The following ADAMTS17 variants were observed in gnomAD, a reference collection of about 807,000 sequenced individuals.
The protein encoded by ADAMTS17 is A disintegrin and metalloproteinase with thrombospondin motifs 17.
ADAMTS17 carries 113 observed loss-of-function variants against 141.5 expected under a neutral mutation model. The ratio of observed to expected loss-of-function variants is 0.80; its 90% CI spans 0.69 to 0.93. ADAMTS17 has a LOEUF of 0.93. ADAMTS17 is among the 40% of genes least tolerant of loss of function. The pLI is 0.00. For synonymous variants in ADAMTS17, 768 were observed against 630.6 expected, an observed-to-expected ratio of 1.22 and a Z score of -3.27; for missense variants, 1,659 against 1,517.9, an observed-to-expected ratio of 1.09 and a Z score of -1.54.
At chr15:100,275,083 C>T (rs921306578) in intron 4 of ADAMTS17, among the ~76,000 whole-genome samples, 1 of 152,126 alleles carries the variant, frequency 6.6e-6, no homozygotes, top group African/African-American at 2.4e-5. Flanking sequence ...ACAGGGTGGG[C>T]CTCATCAGAG....
chr15:100,262,478 A>T, intron 4 of ADAMTS17, 43 bp from the exon 5 acceptor site: 1 of 1,533,430 alleles, frequency 6.5e-7, no homozygotes, highest in Admixed American at 1.7e-5. Context: ...AAGATAAAAA[A>T]TTTTAAAAAT....
chr15:100,196,030 T>C (rs954208720), intron 8 of ADAMTS17, among the ~76,000 whole-genome samples: 1 of 152,204 alleles, frequency 6.6e-6, no homozygotes, highest in Admixed American at 6.5e-5. Flanking sequence ...TCTCACACAG[T>C]ACCCTGCACA....
chr15:100,292,316 G>A (rs1008891226), intron 3 of ADAMTS17, among the ~76,000 whole-genome samples: 1 of 151,650 alleles, frequency 6.6e-6, no homozygotes, highest in African/African-American at 2.4e-5. Context: ...GAAACTACGA[G>A]AGACACTCAG....
chr15:100,313,261 C>T (rs1390112272), intron 3 of ADAMTS17, among the ~76,000 whole-genome samples: 4 of 152,142 alleles, frequency 2.6e-5, no homozygotes, highest in Non-Finnish European at 5.9e-5. Flanking sequence ...AATATGGATG[C>T]AAAGAGCCTA....
intron 3 of ADAMTS17, among the ~76,000 whole-genome samples, chr15:100,304,214 G>A (rs2045142420): frequency 6.6e-6 from 1 of 152,152 alleles, no homozygotes; most frequent in South Asian, 2.1e-4. Context: ...CAACTTGTCT[G>A]AGTGTCACAT....
intron 8 of ADAMTS17, among the ~76,000 whole-genome samples, chr15:100,182,599 T>TC (rs2040564128): frequency 6.6e-6 from 1 of 152,344 alleles, no homozygotes; most frequent in East Asian, 1.9e-4. Flanking sequence ...CTTCAATGCC[T>TC]CCTTCAGTGA....
At chr15:100,205,558 T>C (rs999224595) in intron 7 of ADAMTS17, among the ~76,000 whole-genome samples, 3 of 152,162 alleles carry the variant, frequency 2.0e-5, no homozygotes, top group African/African-American at 7.2e-5. Context: ...CAAATCACAG[T>C]GTGCCTCTCT....
intron 15 of ADAMTS17, among the ~76,000 whole-genome samples, chr15:100,076,753 C>T (rs946796887): frequency 4.6e-5 from 7 of 152,250 alleles, no homozygotes; most frequent in African/African-American, 1.7e-4. Flanking sequence ...CTTGAGTATA[C>T]TTTCTCACTG....
intron 15 of ADAMTS17, among the ~76,000 whole-genome samples, chr15:100,078,917 A>G (rs1205946603): frequency 1.3e-5 from 2 of 152,226 alleles, no homozygotes; most frequent in East Asian, 3.8e-4. Flanking sequence ...TTTAACAGGC[A>G]CTTCCGCAAA....
intron 8 of ADAMTS17, among the ~76,000 whole-genome samples, chr15:100,163,716 C>G (rs1364708652): frequency 6.6e-6 from 1 of 152,170 alleles, no homozygotes; most frequent in Non-Finnish European, 1.5e-5. Flanking sequence ...GGCAGGAAAT[C>G]TGGGTATGAA....
At chr15:100,174,889 C>CA (rs1176614346) in intron 8 of ADAMTS17, among the ~76,000 whole-genome samples, 4 of 152,182 alleles carry the variant, frequency 2.6e-5, no homozygotes, top group Non-Finnish European at 5.9e-5. Flanking sequence ...GCTCTTTCCA[C>CA]AAAATCTCAT....
At chr15:100,253,792 T>C (rs1285391192) in intron 7 of ADAMTS17, among the ~76,000 whole-genome samples, 1 of 152,090 alleles carries the variant, frequency 6.6e-6, no homozygotes, top group Admixed American at 6.5e-5. Context: ...TGACCACAAC[T>C]GTGTAACTTA....
chr15:100,317,935 C>T (rs938413922), intron 3 of ADAMTS17, among the ~76,000 whole-genome samples: 1 of 152,166 alleles, frequency 6.6e-6, no homozygotes, highest in Non-Finnish European at 1.5e-5. Context: ...CGGCCAAGAG[C>T]AGAGCATAGG....
At chr15:100,247,579 G>A (rs928628403) in intron 7 of ADAMTS17, among the ~76,000 whole-genome samples, 8 of 152,182 alleles carry the variant, frequency 5.3e-5, no homozygotes, top group Non-Finnish European at 1.2e-4. Context: ...TGGAAGGGAC[G>A]AAGCACAGTC....
At chr15:100,163,065 T>C (rs2039803121) in intron 8 of ADAMTS17, among the ~76,000 whole-genome samples, 2 of 149,450 alleles carry the variant, frequency 1.3e-5, no homozygotes, top group East Asian at 3.9e-4. Context: ...TGTATATATA[T>C]GTGTATACAT....
rs907400919 is a variant in ADAMTS17 at position 100,281,545 on chromosome 15, C to T, written c.617-144G>A. 1.4e-5 allele frequency: 16 copies of T among 1,106,966 alleles called. No individual in the cohort carries two copies. The East Asian group carries it at 2.3e-4, about 16-fold the overall frequency. The allele number at this position is 1,106,966 out of a possible 1,614,324, so 68.6% of individuals were successfully genotyped here. The stretch of plus-strand genomic sequence containing the variant: ...GGGCCCAGCACCCAGCAATCTCCAC[C>T]GTCATGTGGGTGCCCCGAGTTCACT... On this transcript the variant is annotated intron_variant, in intron 3 of 21. Coordinates refer to ENST00000268070, the MANE Select transcript of ADAMTS17 (RefSeq NM_139057.4).
chr15:100,085,269 G>T (rs2035022328), intron 15 of ADAMTS17, among the ~76,000 whole-genome samples: 1 of 151,966 alleles, frequency 6.6e-6, no homozygotes, highest in African/African-American at 2.4e-5. Context: ...AGAATGAAAT[G>T]AAGTGAGAAG....
intron 3 of ADAMTS17, among the ~76,000 whole-genome samples, chr15:100,300,802 C>A (rs1423543674): frequency 6.6e-6 from 1 of 152,210 alleles, no homozygotes; most frequent in African/African-American, 2.4e-5. Flanking sequence ...TGCAGCTCCA[C>A]CTGGAAAGTT....
intron 15 of ADAMTS17, among the ~76,000 whole-genome samples, chr15:100,076,213 T>C (rs539698540): frequency 9.7e-4 from 147 of 152,194 alleles, no homozygotes; most frequent in African/African-American, 3.4e-3. Context: ...CAGCTAATTT[T>C]TGTATTTTTA....
Sources: gnomAD v4.1 joint callset for allele counts (sites outside exome capture counted in the v4.1 genomes callset) on GRCh38, gnomAD v4.1.1 for gene constraint, MANE v1.5 for transcripts, NCBI Gene and HGNC (gene_info 2026-07-23, HGNC 2026-07-21) for gene names.